ZMYM2: variants seen among roughly 807,000 people sequenced by gnomAD.
ZMYM2 encodes zinc finger MYM-type containing 2.
Under a neutral mutation model 162.8 loss-of-function variants are expected in ZMYM2, and 56 were observed. The observed-to-expected ratio is 0.34, with a 90% CI of 0.28 to 0.43. ZMYM2 has a LOEUF of 0.43. Ranked by LOEUF, ZMYM2 falls within the 20% of genes least tolerant of loss-of-function variation. ZMYM2 has a pLI of 1.00. For missense variants in ZMYM2, 1,275 were observed against 1,621.8 expected (o/e 0.79, Z 3.67); for synonymous variants, 510 against 541.6 (o/e 0.94, Z 0.81).
At chr13:19,936,555 C>G in the ZMYM2 span, among the ~76,000 whole-genome samples, 2 of 151,968 alleles carry the variant, frequency 1.3e-5, no homozygotes, top group South Asian at 2.1e-4. Context: ...AACCCTGTCT[C>G]TACTAAAAAT....
intron 2 of ZMYM2, among the ~76,000 whole-genome samples, chr13:19,991,614 TTTTCTTTTTC>T (rs2139705286): frequency 1.7e-5 from 2 of 115,240 alleles, no homozygotes; most frequent in East Asian, 2.7e-4. Context: ...ATTTCTTTTC[TTTTCTTTTTC>T]TTTTTTTTTT....
At position 20,046,262 on chromosome 13, in the gene ZMYM2, A is replaced by C. The variant is rs892340773; in HGVS notation, c.2293-5171A>C. 2.6e-5 allele frequency among the ~76,000 whole-genome samples: 4 copies of C among 151,578 alleles called. No individual in the cohort carries two copies. The Middle Eastern group carries it at 0.01, about 387-fold the overall frequency. On this transcript the variant is annotated intron_variant, in intron 12 of 24. Transcript: ENST00000610343. ...CCCTGTCTCAAAAAGGAAAACAAAA[A>C]ATTACTGAGAGCGGTGGCTCACATC...
At chr13:19,909,458 G>A in the ZMYM2 span, among the ~76,000 whole-genome samples, 1 of 114,894 alleles carries the variant, frequency 8.7e-6, no homozygotes, top group African/African-American at 3.2e-5. Context: ...TGAGACAAGA[G>A]TTTCACTCTT....
chr13:20,008,760 G>C (rs567707933), intron 6 of ZMYM2, among the ~76,000 whole-genome samples: 40 of 151,792 alleles, frequency 2.6e-4, no homozygotes, highest in African/African-American at 9.2e-4. Flanking sequence ...CATTCTTTAA[G>C]GTATCAGTGT....
Position 19,970,132 on chromosome 13 carries a change from C to G in ZMYM2, c.-11+10106C>G, listed in dbSNP as rs560768702. The G allele has an allele frequency of 2.3e-4, 195 of 866,222 alleles. No individual in the cohort carries two copies. The African/African-American group carries it at 3.4e-3, about 15-fold the overall frequency. The allele number at this position is 866,222 out of a possible 1,614,324, so 53.7% of individuals were successfully genotyped here. A position where few individuals can be genotyped will look rare whatever the true frequency, so the allele number is the denominator to read the frequency against. On this transcript the variant is annotated intron_variant, in intron 2 of 24. Coordinates refer to ENST00000610343, the MANE Select transcript of ZMYM2 (RefSeq NM_197968.4). The stretch of plus-strand genomic sequence containing the variant: ...TTAAACATTATGGAAAATTTGTTAT[C>G]AAAAACAGTCATTACACTAGATCAT...
At chr13:19,982,707 AT>A (rs1395256910) in intron 2 of ZMYM2, among the ~76,000 whole-genome samples, 3 of 152,176 alleles carry the variant, frequency 2.0e-5, no homozygotes, top group Non-Finnish European at 4.4e-5. Flanking sequence ...GCAAATTGTT[AT>A]GTTGATGAAG....
At chr13:19,868,791 C>T in the ZMYM2 span, among the ~76,000 whole-genome samples, 2 of 152,090 alleles carry the variant, frequency 1.3e-5, no homozygotes, top group East Asian at 1.9e-4. Context: ...TATTCTGTTG[C>T]CCAGGCTGGA....
chr13:19,998,257 G>A lies in ZMYM2; in HGVS notation c.847+4338G>A, dbSNP rs546014108. Among the ~76,000 whole-genome samples, 29 of 152,274 alleles carry A rather than the reference G, an allele frequency of 1.9e-4. No individual in the cohort carries two copies. In the South Asian group the frequency reaches 5.6e-3, roughly 29 times the overall value. On this transcript the variant is annotated intron_variant, in intron 3 of 24. Transcript: ENST00000610343. ...ATGAAATTGAAGGTTTAGACAAAATGATTAGGCCTTTTCTATTCCTAAAAA... is the reference window on the plus strand; with the variant it reads ...ATGAAATTGAAGGTTTAGACAAAATAATTAGGCCTTTTCTATTCCTAAAAA...
intron 3 of ZMYM2, among the ~76,000 whole-genome samples, chr13:20,000,581 C>A (rs1730423051): frequency 6.6e-6 from 1 of 152,194 alleles, no homozygotes; most frequent in South Asian, 2.1e-4. Context: ...AACAACAAAG[C>A]CCCGATGACA....
chr13:19,918,498 T>TTC, the ZMYM2 span, among the ~76,000 whole-genome samples: 1 of 109,688 alleles, frequency 9.1e-6, no homozygotes, highest in Non-Finnish European at 1.8e-5. Context: ...TTTCTTTCTT[T>TTC]TTTTTTTTTT....
intron 7 of ZMYM2, among the ~76,000 whole-genome samples, chr13:20,021,136 C>T (rs1040256540): frequency 7.2e-5 from 11 of 151,840 alleles, no homozygotes; most frequent in Admixed American, 2.6e-4. Flanking sequence ...CCACCATGCC[C>T]GGCTAATTTT....
intron 6 of ZMYM2, among the ~76,000 whole-genome samples, chr13:20,014,671 A>G (rs992389137): frequency 2.1e-5 from 3 of 144,538 alleles, no homozygotes; most frequent in Non-Finnish European, 3.0e-5. Context: ...TCCTGCTCTA[A>G]TCTTTATTAT....
intron 3 of ZMYM2, among the ~76,000 whole-genome samples, chr13:20,000,470 T>A (rs964873311): frequency 6.6e-6 from 1 of 152,168 alleles, no homozygotes; most frequent in Non-Finnish European, 1.5e-5. Flanking sequence ...GTTAATATAC[T>A]TAGTGACTGT....
In ZMYM2 at chr13:19,971,450, A is replaced by G. The variant is rs1284143351; in HGVS notation, c.-11+11424A>G. Among the ~76,000 whole-genome samples, 7 of 150,912 alleles carry G rather than the reference A, an allele frequency of 4.6e-5. No individual in the cohort carries two copies. In the East Asian group the frequency reaches 1.2e-3, roughly 25 times the overall value. On this transcript the variant is annotated intron_variant, in intron 2 of 24. Transcript: ENST00000610343. The stretch of plus-strand genomic sequence containing the variant: ...CACACCAGGTTAATTTTGTAGTTTT[A>G]GTAGAGACGGGGTTTCTCCATGTTG...
intron 12 of ZMYM2, among the ~76,000 whole-genome samples, chr13:20,046,160 G>A (rs943396791): frequency 6.6e-6 from 1 of 151,848 alleles, no homozygotes; most frequent in African/African-American, 2.4e-5. Context: ...GCTGAGGCAA[G>A]AGAATTGCTT....
At chr13:20,040,194 T>G (rs536000607) in intron 12 of ZMYM2, among the ~76,000 whole-genome samples, 1 of 152,336 alleles carries the variant, frequency 6.6e-6, no homozygotes, top group East Asian at 1.9e-4. Context: ...CTGGTAGAAT[T>G]GTGTTGTGAA....
At chr13:20,063,759 C>G (rs1485048559) in intron 18 of ZMYM2, among the ~76,000 whole-genome samples, 1 of 32,736 alleles carries the variant, frequency 3.1e-5, no homozygotes, top group Non-Finnish European at 9.6e-5. Context: ...ACCTAGGCAA[C>G]AAGAGCAAAA....
chr13:19,871,854 G>C, the ZMYM2 span, among the ~76,000 whole-genome samples: 1 of 152,116 alleles, frequency 6.6e-6, no homozygotes, highest in South Asian at 2.1e-4. Flanking sequence ...GGCATTCCCT[G>C]ACTGCAATGC....
chr13:20,018,674 T>C (rs1951817287), intron 6 of ZMYM2, among the ~76,000 whole-genome samples: 1 of 152,218 alleles, frequency 6.6e-6, no homozygotes, highest in South Asian at 2.1e-4. Flanking sequence ...TCTAGCATAG[T>C]ATTTTGACTT....
Sources: allele counts gnomAD v4.1 joint callset (sites outside exome capture counted in the v4.1 genomes callset), GRCh38; gene constraint gnomAD v4.1.1; transcripts MANE v1.5; gene names NCBI Gene and HGNC (gene_info 2026-07-23, HGNC 2026-07-21).